TBXAS1: variants seen among roughly 807,000 people sequenced by gnomAD.
The protein encoded by TBXAS1 is thromboxane A synthase 1.
TBXAS1 carries 48 observed loss-of-function variants against 60.7 expected under a neutral mutation model. The observed-to-expected ratio is 0.79, with a 90% confidence interval of 0.63 to 1.01. The LOEUF (loss-of-function observed/expected upper bound fraction) is 1.01. Among genes scored for constraint, TBXAS1 ranks in the 50% least tolerant of loss-of-function variants. The pLI, the probability that TBXAS1 is intolerant of heterozygous loss-of-function variation, is 0.00. For missense variants in TBXAS1, 685 were observed against 686.3 expected (o/e 1.00, Z 0.02); for synonymous variants, 287 against 269.7 (o/e 1.06, Z -0.63).
chr7:139,912,712 T>G (rs906616230), intron 4 of TBXAS1, among the ~76,000 whole-genome samples: 11 of 152,142 alleles, frequency 7.2e-5, no homozygotes, highest in African/African-American at 2.4e-4. Flanking sequence ...TTATTGGGTG[T>G]GAGGTGCTTG....
At chr7:139,928,009 C>CT (rs1215360449) in intron 4 of TBXAS1, among the ~76,000 whole-genome samples, 3 of 151,990 alleles carry the variant, frequency 2.0e-5, no homozygotes, top group Non-Finnish European at 4.4e-5. Flanking sequence ...TTTTTCTTGC[C>CT]TTATTGACCT....
In TBXAS1 at chr7:139,813,191, C is replaced by T. The variant is rs547644388; in HGVS notation, c.-79-16121C>T. ...TCAGTTCATCCTCTGAGGAGGCGCT[C>T]ATTCCTGTTTGAGGATAAGAGTGGA... On this transcript the variant is annotated intron_variant, in intron 4 of 16. Coordinates refer to the TBXAS1 transcript ENST00000336425. Among the ~76,000 whole-genome samples the T allele has an allele frequency of 3.3e-5, 5 of 152,342 alleles. 1 individual carries two copies. The highest frequency in any genetic ancestry group is 2.1e-4 in the South Asian group (1 of 4,824).
rs138405426 is a variant in TBXAS1 at position 139,791,585 on chromosome 7, C to T, written c.-80+4159C>T. On this transcript the variant is annotated intron_variant, in intron 4 of 16. Transcript: ENST00000336425. ...CAAGGGGAAGTGTCCGTGATATATT[C>T]GTGAGAGGATTAAGTTTCAGAGTAT... is the stretch of plus-strand genomic sequence containing the variant. Among the ~76,000 whole-genome samples, 9 of 152,216 alleles carry T rather than the reference C, an allele frequency of 5.9e-5. No homozygotes were observed. In the East Asian group the frequency reaches 1.5e-3, roughly 26 times the overall value.
At chr7:139,882,245 A>G (rs1165635893) in intron 3 of TBXAS1, among the ~76,000 whole-genome samples, 1 of 152,204 alleles carries the variant, frequency 6.6e-6, no homozygotes, top group East Asian at 1.9e-4. Context: ...CACCTGTTGG[A>G]CATGTTTGTT....
chr7:139,834,851 C>T (rs1407180070), intron 1 of TBXAS1, among the ~76,000 whole-genome samples: 1 of 151,958 alleles, frequency 6.6e-6, no homozygotes, highest in Non-Finnish European at 1.5e-5. Flanking sequence ...AAAAAAAGTC[C>T]AGGACCATAA....
At chr7:139,787,940 A>C (rs146165369) in intron 4 of TBXAS1, among the ~76,000 whole-genome samples, 145 of 152,320 alleles carry the variant, frequency 9.5e-4, no homozygotes, top group African/African-American at 3.4e-3. Flanking sequence ...TTATTGATAC[A>C]ATTTTGAGAA....
chr7:139,881,504 A>C (rs77026577), intron 3 of TBXAS1, among the ~76,000 whole-genome samples: 2,324 of 152,224 alleles, frequency 0.015, 34 homozygotes, highest in African/African-American at 0.033. Context: ...ATCCTTTTCC[A>C]AATGATTTGA....
At chr7:139,828,095 C>G (rs1652288947), upstream of TBXAS1, among the ~76,000 whole-genome samples, 1 of 152,160 alleles carries the variant, frequency 6.6e-6, no homozygotes, top group Admixed American at 6.5e-5. Flanking sequence ...TTAGAATTCT[C>G]TTCTTCCTCA....
chr7:139,890,756 T>C (rs1323242759), intron 3 of TBXAS1, among the ~76,000 whole-genome samples: 1 of 152,214 alleles, frequency 6.6e-6, no homozygotes, highest in Non-Finnish European at 1.5e-5. Flanking sequence ...TTTTGGGGGA[T>C]GTTTTTATCC....
At chr7:140,017,546 C>A in intron 11 of TBXAS1, 125 bp from the exon 12 acceptor site, 1 of 1,276,932 alleles carries the variant, frequency 7.8e-7, no homozygotes, top group Non-Finnish European at 1.1e-6. Context: ...GAATGAGCAG[C>A]CATCAGCTCC....
At chr7:139,874,944 A>G (rs1434983837) in intron 2 of TBXAS1, among the ~76,000 whole-genome samples, 1 of 152,100 alleles carries the variant, frequency 6.6e-6, no homozygotes, top group Non-Finnish European at 1.5e-5. Context: ...AAAATACAAA[A>G]ATTAGCTGGG....
chr7:139,951,089 G>C (rs560867037), intron 5 of TBXAS1, among the ~76,000 whole-genome samples: 1 of 152,284 alleles, frequency 6.6e-6, no homozygotes, highest in African/African-American at 2.4e-5. Flanking sequence ...GAATATTCCA[G>C]AGAAGATAAG....
At chr7:139,863,454 G>T (rs189297028) in intron 1 of TBXAS1, among the ~76,000 whole-genome samples, 73 of 152,230 alleles carry the variant, frequency 4.8e-4, no homozygotes, top group African/African-American at 1.7e-3. Context: ...TGTATATAGG[G>T]TGGGACAGAA....
Position 139,962,120 on chromosome 7 carries a change from G to A in TBXAS1, c.1021G>A (p.Ala341Thr), listed in dbSNP as rs1569520131. Reference sequence around the variant, plus strand: ...GGGCCAGGCCTTCATCTTCCTCATCGCTGGCTATGAAATCATCACCAACAC... The same window carrying A: ...GGGCCAGGCCTTCATCTTCCTCATCACTGGCTATGAAATCATCACCAACAC... ...IVGQAFIFLI[A>T]GYEIITNTLS... Residue 341 changes from alanine (A) to threonine (T), a missense_variant, in exon 9 of 13, where the codon GCT becomes ACT. Physicochemically the swap from Ala to Thr is moderately conservative, Grantham distance 58. Coordinates refer to ENST00000448866, the MANE Select transcript of TBXAS1 (RefSeq NM_001061.7). 5.0e-6 allele frequency: 8 copies of A among 1,614,028 alleles called. No homozygotes were observed. Among genetic ancestry groups the A allele is most frequent in the African/African-American group, 1.3e-5 (1 of 74,908 alleles).
chr7:139,951,979 A>AAAG (rs1809420430), intron 5 of TBXAS1, among the ~76,000 whole-genome samples: 1 of 148,138 alleles, frequency 6.8e-6, no homozygotes, highest in African/African-American at 2.5e-5. Flanking sequence ...AGAAAGAAAG[A>AAAG]AAGAAAGAAA....
intron 3 of TBXAS1, among the ~76,000 whole-genome samples, chr7:139,885,919 G>C (rs2267684): frequency 0.27 from 41,619 of 152,088 alleles, 5,789 homozygotes; most frequent in South Asian, 0.46. Context: ...CCGCATACAC[G>C]TTTGAAATTC....
At chr7:140,007,463 C>T (rs1814179579) in intron 10 of TBXAS1, among the ~76,000 whole-genome samples, 1 of 152,250 alleles carries the variant, frequency 6.6e-6, no homozygotes, top group Non-Finnish European at 1.5e-5. Flanking sequence ...TGGCTTTTGC[C>T]ATTTCCCCTG....
intron 10 of TBXAS1, 152 bp from the exon 11 acceptor site, chr7:140,015,571 G>A: frequency 1.1e-6 from 1 of 889,924 alleles, no homozygotes; most frequent in Non-Finnish European, 1.8e-6. Flanking sequence ...GAAGGGGGCT[G>A]AGCAGGGGGT....
intron 1 of TBXAS1, among the ~76,000 whole-genome samples, chr7:139,779,789 G>A (rs1448460896): frequency 2.6e-5 from 4 of 152,202 alleles, no homozygotes; most frequent in Non-Finnish European, 4.4e-5. Flanking sequence ...AGGCAGGCGA[G>A]TCCTGACTTA....
Sources: gnomAD v4.1 joint callset for allele counts (sites outside exome capture counted in the v4.1 genomes callset) on GRCh38, gnomAD v4.1.1 for gene constraint, MANE v1.5 for transcripts, NCBI Gene and HGNC (gene_info 2026-07-23, HGNC 2026-07-21) for gene names.